NRG3: variants seen among roughly 807,000 people sequenced by gnomAD.
The protein encoded by NRG3 is pro-neuregulin-3, membrane-bound isoform.
A neutral mutation model predicts 66.9 loss-of-function variants in NRG3; 31 were observed. The observed-to-expected ratio is 0.46, with a 90% confidence interval of 0.35 to 0.63. NRG3 has a LOEUF of 0.63. Among genes scored for constraint, NRG3 ranks in the 20% least tolerant of loss-of-function variants. The pLI is 0.00. For missense variants in NRG3, 910 were observed against 878.9 expected (o/e 1.04, Z -0.45); for synonymous variants, 393 against 359.4 (o/e 1.09, Z -1.06).
At chr10:82,545,746 G>GT in intron 2 of NRG3, among the ~76,000 whole-genome samples, 1 of 147,960 alleles carries the variant, frequency 6.8e-6, no homozygotes, top group African/African-American at 2.5e-5. Flanking sequence ...CAGCATAACA[G>GT]ACGTATTTTT....
intron 1 of NRG3, among the ~76,000 whole-genome samples, chr10:82,251,890 G>A (rs74705877): frequency 6.6e-6 from 1 of 152,158 alleles, no homozygotes; most frequent in Non-Finnish European, 1.5e-5. Context: ...CTCTGGCAGA[G>A]GTAAGGAGGA....
intron 6 of NRG3, among the ~76,000 whole-genome samples, chr10:82,960,883 C>T (rs925577184): frequency 2.0e-5 from 3 of 152,058 alleles, no homozygotes; most frequent in African/African-American, 7.2e-5. Flanking sequence ...TAAAACGGCC[C>T]CACCCCTATC....
At chr10:82,322,880 G>A (rs1303122730) in intron 1 of NRG3, among the ~76,000 whole-genome samples, 3 of 152,114 alleles carry the variant, frequency 2.0e-5, no homozygotes, top group African/African-American at 7.2e-5. Context: ...TTTGCTATGT[G>A]AACAGAATTG....
rs918303129 is a variant in NRG3, at chr10:82,986,954, G to A, written c.*1349G>A. On this transcript the variant is annotated 3_prime_UTR_variant, in exon 9 of 9. Transcript: ENST00000372141. ...TCAGTTCACAAGAAGCCCCCCAAAA[G>A]AACAGTAAATTGTGTTGTATGTTCA... 7.2e-5 allele frequency: 11 copies of A among 152,116 alleles called. No individual in the cohort carries two copies. Among genetic ancestry groups the A allele is most frequent in the African/African-American group, 2.7e-4 (11 of 41,420 alleles). The allele number at this position is 152,116 out of a possible 1,614,324, so 9.4% of individuals were successfully genotyped here.
chr10:82,315,220 T>C (rs7069367), intron 1 of NRG3, among the ~76,000 whole-genome samples: 59,341 of 152,094 alleles, frequency 0.39, 17,732 homozygotes, highest in African/African-American at 0.83. Flanking sequence ...GTGGGGTCTT[T>C]TAAAGTCAAC....
At chr10:82,035,581 A>C (rs2132940386) in intron 1 of NRG3, among the ~76,000 whole-genome samples, 1 of 152,226 alleles carries the variant, frequency 6.6e-6, no homozygotes, top group Admixed American at 6.5e-5. Flanking sequence ...TCTTTCTGAA[A>C]ATATTTCACC....
In NRG3 at chr10:82,078,099, A is replaced by C. The variant is rs72825426; in HGVS notation, c.823+201936A>C. 3.8e-3 allele frequency among the ~76,000 whole-genome samples: 572 copies of C among 151,466 alleles called. 2 individuals are homozygous for C. Among genetic ancestry groups the C allele is most frequent in the Non-Finnish European group, 6.2e-3 (418 of 67,762 alleles). On this transcript the variant is annotated intron_variant, in intron 1 of 8. Transcript: ENST00000372141. ...TCTCTGTCTCTGTCTCTCTAAATAC[A>C]AAAAAAAAGTTGAAAATTAAAAAAA... is the stretch of plus-strand genomic sequence containing the variant.
At chr10:81,924,709 C>A (rs1846601291) in intron 1 of NRG3, among the ~76,000 whole-genome samples, 1 of 152,142 alleles carries the variant, frequency 6.6e-6, no homozygotes, top group African/African-American at 2.4e-5. Flanking sequence ...AGTTTTAGGC[C>A]TTTTGTCCAG....
chr10:82,537,004 A>G (rs1411908748), intron 2 of NRG3, among the ~76,000 whole-genome samples: 1 of 151,942 alleles, frequency 6.6e-6, no homozygotes, highest in Non-Finnish European at 1.5e-5. Flanking sequence ...ACTTGGAGAA[A>G]GTAGGTTTAG....
At chr10:82,296,733 G>A (rs895470114) in intron 1 of NRG3, among the ~76,000 whole-genome samples, 3 of 150,582 alleles carry the variant, frequency 2.0e-5, no homozygotes, top group African/African-American at 7.3e-5. Flanking sequence ...TCATCATATT[G>A]TTCTATCTAA....
chr10:82,928,625 T>TTA (rs1554843946), intron 4 of NRG3, among the ~76,000 whole-genome samples: 61 of 150,170 alleles, frequency 4.1e-4, no homozygotes, highest in Middle Eastern at 3.5e-3. Context: ...TTTTTTTTTT[T>TTA]AAAAGTAAAT....
At chr10:82,975,699 G>A (rs1320040475) in intron 7 of NRG3, among the ~76,000 whole-genome samples, 2 of 152,120 alleles carry the variant, frequency 1.3e-5, no homozygotes. Context: ...CGATAACCCA[G>A]GCACTGATTT....
intron 2 of NRG3, among the ~76,000 whole-genome samples, chr10:82,625,289 T>G (rs886491438): frequency 1.9e-4 from 29 of 151,886 alleles, no homozygotes; most frequent in African/African-American, 7.0e-4. Flanking sequence ...TACACTGCTT[T>G]TAGTTAGAAA....
At chr10:82,419,642 T>A (rs538535761) in intron 2 of NRG3, among the ~76,000 whole-genome samples, 1 of 152,310 alleles carries the variant, frequency 6.6e-6, no homozygotes, top group South Asian at 2.1e-4. Flanking sequence ...GCAAGCCTTT[T>A]GTGGAAATAA....
At chr10:82,236,005 GACAC>G (rs562666772) in intron 1 of NRG3, among the ~76,000 whole-genome samples, 1 of 151,156 alleles carries the variant, frequency 6.6e-6, no homozygotes, top group Non-Finnish European at 1.5e-5. Context: ...CACAGACACA[GACAC>G]ACACACACAT....
chr10:82,470,029 G>T (rs983604553), intron 2 of NRG3, among the ~76,000 whole-genome samples: 1 of 152,134 alleles, frequency 6.6e-6, no homozygotes, highest in Non-Finnish European at 1.5e-5. Context: ...CTGTAGAAGA[G>T]GGAAGTGCTG....
intron 1 of NRG3, among the ~76,000 whole-genome samples, chr10:82,114,776 G>A (rs11818054): frequency 0.14 from 20,537 of 152,084 alleles, 1,595 homozygotes; most frequent in Non-Finnish European, 0.18. Flanking sequence ...CCTGGAAACT[G>A]TTCTTTCATG....
In NRG3 at chr10:82,121,966, A is replaced by G. The variant is rs1184319957; in HGVS notation, c.824-236773A>G. ...GCTTACTTCATGTGACTGTTTTATA[A>G]CAACCCCCCAACTCCAAGCAGGAAT... On this transcript the variant is annotated intron_variant, in intron 1 of 8. Coordinates refer to ENST00000372141, the MANE Select transcript of NRG3 (RefSeq NM_001010848.4). Among the ~76,000 whole-genome samples, 3 of 152,064 alleles carry G rather than the reference A, an allele frequency of 2.0e-5. No homozygotes were observed. In the East Asian group the frequency reaches 5.8e-4, roughly 29 times the overall value.
intron 2 of NRG3, among the ~76,000 whole-genome samples, chr10:82,526,545 G>C (rs545991553): frequency 6.6e-6 from 1 of 151,626 alleles, no homozygotes; most frequent in Non-Finnish European, 1.5e-5. Flanking sequence ...ATGAAAATAC[G>C]TACAAATAGT....
Sources: allele counts gnomAD v4.1 joint callset (sites outside exome capture counted in the v4.1 genomes callset), GRCh38; gene constraint gnomAD v4.1.1; transcripts MANE v1.5; gene names NCBI Gene and HGNC (gene_info 2026-07-23, HGNC 2026-07-21).